Variants in GOLM2 observed in about 807,000 individuals in gnomAD.
GOLM2 encodes golgi membrane protein 2, also known as protein GOLM2.
A neutral mutation model predicts 55.9 loss-of-function variants in GOLM2; 26 were observed. The observed-to-expected ratio is 0.47, with a 90% CI of 0.34 to 0.65. The LOEUF is 0.65. GOLM2 is among the 30% of genes least tolerant of loss of function. The pLI is 0.01. For missense variants in GOLM2, 486 were observed against 531.8 expected (o/e 0.91, Z 0.85); for synonymous variants, 165 against 194.6 (o/e 0.85, Z 1.27).
At chr15:44,317,149 T>C (rs2078915718) in intron 1 of GOLM2, among the ~76,000 whole-genome samples, 1 of 151,824 alleles carries the variant, frequency 6.6e-6, no homozygotes, top group South Asian at 2.1e-4. Flanking sequence ...TAAAATGGAG[T>C]ACAGAGAACC....
intron 2 of GOLM2, among the ~76,000 whole-genome samples, chr15:44,326,898 C>T (rs1220186204): frequency 1.3e-5 from 2 of 150,394 alleles, no homozygotes; most frequent in East Asian, 2.0e-4. Context: ...GTGATCCACC[C>T]TTCTCGGCCC....
At chr15:44,297,729 A>T (rs1026322477) in intron 1 of GOLM2, among the ~76,000 whole-genome samples, 3 of 147,504 alleles carry the variant, frequency 2.0e-5, no homozygotes, top group South Asian at 2.1e-4. Flanking sequence ...GCCCAGCTAA[A>T]TTTTTTGTAT....
chr15:44,338,342 C>T (rs375011232), intron 6 of GOLM2, 25 bp downstream of exon 6: 47 of 1,543,944 alleles, frequency 3.0e-5, no homozygotes, highest in Non-Finnish European at 3.6e-5. Flanking sequence ...TTAGAGAATT[C>T]GACTAAAGTG....
At chr15:44,379,843 A>T in intron 7 of GOLM2, 55 bp downstream of exon 7, 1 of 950,526 alleles carries the variant, frequency 1.1e-6, no homozygotes, top group Non-Finnish European at 1.7e-6. Flanking sequence ...AGTCATGTAC[A>T]GTTATATAGT....
chr15:44,361,856 G>A (rs1467439624), intron 6 of GOLM2, among the ~76,000 whole-genome samples: 1 of 152,072 alleles, frequency 6.6e-6, no homozygotes, highest in Non-Finnish European at 1.5e-5. Flanking sequence ...TGATCAAGTG[G>A]GCTTCATCCC....
intron 8 of GOLM2, among the ~76,000 whole-genome samples, chr15:44,401,779 G>T (rs528305605): frequency 3.4e-4 from 50 of 148,038 alleles, no homozygotes; most frequent in Non-Finnish European, 6.3e-4. Flanking sequence ...ATGTCTAATT[G>T]TTGAATAGTT....
intron 6 of GOLM2, among the ~76,000 whole-genome samples, chr15:44,346,470 T>C (rs903550826): frequency 5.9e-5 from 9 of 152,222 alleles, no homozygotes; most frequent in African/African-American, 1.9e-4. Context: ...ATTCTCTAGA[T>C]CTATACTGTA....
In GOLM2 at chr15:44,364,694, C is replaced by CA. The variant is rs991026535; in HGVS notation, c.803-14986dup. On this transcript the variant is annotated intron_variant, in intron 6 of 9. Coordinates refer to ENST00000299957, the MANE Select transcript of GOLM2 (RefSeq NM_138423.4). ...TGGGGAAAAGAGTGAGATCCTGTCT[C>CA]AAAAAAAAAAGAAGAGAAAAGAAAA... Among the ~76,000 whole-genome samples the CA allele has an allele frequency of 1.9e-3, 270 of 140,936 alleles. 1 individual carries two copies. The highest frequency in any genetic ancestry group is 7.1e-3 in the Middle Eastern group (2 of 282). 92.5% of individuals were successfully genotyped at this position (140,936 alleles called of 152,430 possible). A position where few individuals can be genotyped will look rare whatever the true frequency, so the allele number is the denominator to read the frequency against.
chr15:44,400,461 G>T (rs565696957), intron 8 of GOLM2, among the ~76,000 whole-genome samples: 2 of 151,502 alleles, frequency 1.3e-5, no homozygotes, highest in East Asian at 3.9e-4. Flanking sequence ...TGGATTACAG[G>T]CATGCGCCAC....
At chr15:44,359,509 A>C (rs2079221835) in intron 6 of GOLM2, among the ~76,000 whole-genome samples, 1 of 151,876 alleles carries the variant, frequency 6.6e-6, no homozygotes, top group Non-Finnish European at 1.5e-5. Flanking sequence ...AATGGGTTGA[A>C]CCCGGGAGGC....
At position 44,390,596 on chromosome 15, in the gene GOLM2, A is replaced by C. The variant is rs1179678445; in HGVS notation, c.1072+9620A>C. On this transcript the variant is annotated intron_variant, in intron 8 of 9. Transcript: ENST00000299957. ...TTTTTTTTTTTTGAGATGGAGTTTC[A>C]CTCTTGTTGCCCAGGCTGGAGTGCA... 2.9e-5 allele frequency: 4 copies of C among 137,442 alleles called. No individual in the cohort carries two copies. The Admixed American group carries it at 3.1e-4, about 11-fold the overall frequency. 8.5% of individuals were successfully genotyped at this position (137,442 alleles called of 1,614,324 possible). A position where few individuals can be genotyped will look rare whatever the true frequency, so the allele number is the denominator to read the frequency against.
At chr15:44,402,603 C>G in intron 8 of GOLM2, 1 of 292,670 alleles carries the variant, frequency 3.4e-6, no homozygotes, top group African/African-American at 2.1e-5. Flanking sequence ...ATTAGGAAAA[C>G]ATTCCTAAAA....
At chr15:44,301,771 G>A (rs928905330) in intron 1 of GOLM2, among the ~76,000 whole-genome samples, 2 of 152,102 alleles carry the variant, frequency 1.3e-5, no homozygotes, top group African/African-American at 4.8e-5. Context: ...TATCAGCCGG[G>A]TATGGTGCCA....
rs201767979 is a variant in GOLM2, at chr15:44,292,201, A to AT, written c.327+2860dup. On this transcript the variant is annotated intron_variant, in intron 1 of 9. Transcript: ENST00000299957. ...TATACATACATATATATATATATAT[A>AT]TTTTTTTTTTTTTTTAGACAGAGTC... is the stretch of plus-strand genomic sequence containing the variant. 8.1e-3 allele frequency among the ~76,000 whole-genome samples: 974 copies of AT among 120,016 alleles called. 10 individuals carry two copies. Among genetic ancestry groups the AT allele is most frequent in the Middle Eastern group, 0.031 (8 of 256 alleles). The allele number at this position is 120,016 out of a possible 152,430, so 78.7% of individuals were successfully genotyped here. A position where few individuals can be genotyped will look rare whatever the true frequency, so the allele number is the denominator to read the frequency against.
Position 44,414,113 on chromosome 15 carries a change from G to T in GOLM2, c.*707G>T, listed in dbSNP as rs2079657747. On this transcript the variant is annotated 3_prime_UTR_variant, in exon 10 of 10. Transcript: ENST00000299957. ...GGCCTCCCAAAGTGCTGGAATTCCAGGCATGAGCCACTGCGCCCAGTCTAC... is the reference window on the plus strand; with the variant it reads ...GGCCTCCCAAAGTGCTGGAATTCCATGCATGAGCCACTGCGCCCAGTCTAC... 1.3e-5 allele frequency: 2 copies of T among 152,272 alleles called. No individual in the cohort carries two copies. Among genetic ancestry groups the T allele is most frequent in the South Asian group, 4.1e-4 (2 of 4,830 alleles). 9.4% of individuals were successfully genotyped at this position (152,272 alleles called of 1,614,324 possible).
chr15:44,303,983 G>T (rs7167800), intron 1 of GOLM2, among the ~76,000 whole-genome samples: 3,238 of 151,466 alleles, frequency 0.021, 137 homozygotes, highest in African/African-American at 0.075. Context: ...GCCTGACTCG[G>T]CCTTCCAAAG....
chr15:44,363,855 A>G (rs1595649970), intron 6 of GOLM2, among the ~76,000 whole-genome samples: 1 of 152,072 alleles, frequency 6.6e-6, no homozygotes, highest in African/African-American at 2.4e-5. Context: ...ATGGAATACT[A>G]TGCAGCCATA....
chr15:44,313,309 A>AT (rs2078886832), intron 1 of GOLM2, among the ~76,000 whole-genome samples: 2 of 152,110 alleles, frequency 1.3e-5, no homozygotes, highest in African/African-American at 4.8e-5. Context: ...TTGAAAAGAC[A>AT]TTTTATCTCT....
chr15:44,327,388 A>G (rs891466539), intron 2 of GOLM2, among the ~76,000 whole-genome samples: 3 of 151,982 alleles, frequency 2.0e-5, no homozygotes, highest in South Asian at 4.1e-4. Context: ...GACCATCTCT[A>G]TAAATACACG....
Sources: gnomAD v4.1 joint callset for allele counts (sites outside exome capture counted in the v4.1 genomes callset) on GRCh38, gnomAD v4.1.1 for gene constraint, MANE v1.5 for transcripts, NCBI Gene and HGNC (gene_info 2026-07-23, HGNC 2026-07-21) for gene names.